The following PDCD11 variants were observed in gnomAD, a reference collection of about 807,000 sequenced individuals.
PDCD11 encodes the protein programmed cell death 11.
In PDCD11, 97 loss-of-function variants were observed where a neutral mutation model predicts 198.9. The observed-to-expected ratio is 0.49, with a 90% CI of 0.41 to 0.58. The LOEUF (loss-of-function observed/expected upper bound fraction) is 0.58. Ranked by LOEUF, PDCD11 falls within the 20% of genes least tolerant of loss-of-function variation. PDCD11 has a pLI of 0.00. For synonymous variants in PDCD11, 893 were observed against 918.0 expected, an observed-to-expected ratio of 0.97 and a Z score of 0.49; for missense variants, 2,102 against 2,312.7, an observed-to-expected ratio of 0.91 and a Z score of 1.87.
rs1250982617 is a variant in PDCD11 at position 103,414,068 on chromosome 10, C to A, written c.1288C>A (p.Leu430Met). 1.2e-6 allele frequency: 2 copies of A among 1,613,024 alleles called. No homozygotes were observed. The highest frequency in any genetic ancestry group is 4.5e-5 in the East Asian group (2 of 44,870). The stretch of plus-strand genomic sequence containing the variant: ...TATTGACTACAGCCAAATGGATGAA[C>A]TGGCCTTGCTCTCTCTACGAACGTA... ...RIIDYSQMDELALLSLRTSII... is the reference protein window; with the variant it reads ...RIIDYSQMDEMALLSLRTSII... Residue 430 changes from leucine (L) to methionine (M), a missense_variant, in exon 10 of 36, where the codon CTG (leucine) becomes ATG (methionine). Leu to Met is a conservative substitution (Grantham distance 15). Coordinates refer to ENST00000369797, the MANE Select transcript of PDCD11 (RefSeq NM_014976.2).
intron 4 of PDCD11, 87 bp from the exon 5 acceptor site, chr10:103,404,935 T>G: frequency 7.8e-6 from 10 of 1,277,434 alleles, no homozygotes; most frequent in Non-Finnish European, 1.1e-5. Flanking sequence ...GGTCTGAGGA[T>G]GAGAAGTCAC....
chr10:103,421,823 C>T (rs1301693432), intron 17 of PDCD11, among the ~76,000 whole-genome samples: 5 of 150,752 alleles, frequency 3.3e-5, no homozygotes, highest in East Asian at 2.0e-4. Flanking sequence ...AAAAATTAGC[C>T]GGGCGCGGTG....
intron 12 of PDCD11, 122 bp downstream of exon 12, chr10:103,415,273 A>C: frequency 6.2e-6 from 6 of 960,306 alleles, no homozygotes; most frequent in Non-Finnish European, 9.5e-6. Context: ...CTTGTGCTGT[A>C]CCTGGCATTG....
At chr10:103,414,935 G>T (rs564248878) in intron 11 of PDCD11, 70 bp from the exon 12 acceptor site, 1 of 1,559,620 alleles carries the variant, frequency 6.4e-7, no homozygotes, top group South Asian at 1.1e-5. Flanking sequence ...GGTATGACAT[G>T]CCTTGTTGTA....
At chr10:103,401,602 T>G (rs1479658765) in intron 3 of PDCD11, among the ~76,000 whole-genome samples, 1 of 152,054 alleles carries the variant, frequency 6.6e-6, no homozygotes, top group Non-Finnish European at 1.5e-5. Flanking sequence ...CACCAATATG[T>G]GTTAGTTATA....
Position 103,441,859 on chromosome 10 carries a change from C to T in PDCD11, c.4591C>T (p.Leu1531=). The T allele has an allele frequency of 6.2e-7, 1 of 1,614,172 alleles. No individual in the cohort carries two copies. The highest frequency in any genetic ancestry group is 8.5e-7 in the Non-Finnish European group (1 of 1,180,014). Residue 1531 remains leucine (L), a synonymous_variant, in exon 31 of 36, where the codon CTG becomes TTG. Transcript: ENST00000369797. ...AACCAAGCCAGCAGAAGCGCCCCGG[C>T]TGCAGCTGTCTTCAGGCTTCGCTTG... ...KQTKPAEAPR[L]QLSSGFAWNV... is the part of the protein sequence containing the mutation.
intron 5 of PDCD11, among the ~76,000 whole-genome samples, chr10:103,405,744 A>G (rs2030405748): frequency 6.6e-6 from 1 of 152,118 alleles, no homozygotes; most frequent in East Asian, 1.9e-4. Flanking sequence ...ACTCTTCTAT[A>G]TTGTTCCATC....
In PDCD11 at chr10:103,445,565, G is replaced by A. The variant is rs1447642153; in HGVS notation, c.*16G>A. ...AGAGGACTAGTGGCAGGCTGGCTCTGTGGGACACTGTCAACAATGGGCCAG... is the reference window on the plus strand; with the variant it reads ...AGAGGACTAGTGGCAGGCTGGCTCTATGGGACACTGTCAACAATGGGCCAG... On this transcript the variant is annotated 3_prime_UTR_variant, in exon 36 of 36. Transcript: ENST00000369797. The A allele has an allele frequency of 3.1e-6, 5 of 1,610,554 alleles. No homozygotes were observed. The highest frequency in any genetic ancestry group is 2.1e-4 in the Middle Eastern group (1 of 4,862).
chr10:103,444,056 C>A lies in PDCD11; in HGVS notation c.5266C>A (p.Pro1756Thr). The A allele has an allele frequency of 6.2e-7, 1 of 1,611,802 alleles. No homozygotes were observed. Among genetic ancestry groups the A allele is most frequent in the Non-Finnish European group, 8.5e-7 (1 of 1,179,862 alleles). The change falls in exon 34 of 36, where the codon CCT (proline) becomes ACT (threonine). Residue 1756 changes from proline to threonine, a missense_variant. Pro to Thr is a conservative substitution (Grantham distance 38, BLOSUM62 -1). Coordinates refer to ENST00000369797, the MANE Select transcript of PDCD11 (RefSeq NM_014976.2). Reference protein sequence around the residue: ...RVLQRALECLPSKEHVDVIAK... With the variant: ...RVLQRALECLTSKEHVDVIAK... ...GCTGCAGCGAGCCCTGGAGTGCCTG[C>A]CTAGCAAGGAGCGTGAGTGCTCATT...
Position 103,415,115 on chromosome 10 carries a change from G to A in PDCD11, c.1482G>A (p.Glu494=). Residue 494 remains glutamate (E), a synonymous_variant, in exon 12 of 36, where the codon GAG becomes GAA. Coordinates refer to ENST00000369797, the MANE Select transcript of PDCD11 (RefSeq NM_014976.2). ...HLADILMKNP[E]KKYHIGDEVK... ...CTGACATCCTGATGAAGAATCCGGA[G>A]AAGAAGTACCACATCGGGGATGAGG... 1 of 1,614,134 alleles carries A rather than the reference G, an allele frequency of 6.2e-7. No individual in the cohort carries two copies. The highest frequency in any genetic ancestry group is 1.3e-5 in the African/African-American group (1 of 75,038).
intron 34 of PDCD11, 31 bp from the exon 35 acceptor site, chr10:103,444,486 G>T (rs754400813): frequency 6.2e-7 from 1 of 1,608,890 alleles, no homozygotes; most frequent in Non-Finnish European, 8.5e-7. Context: ...CTGTCTGCTT[G>T]TTGGGTCTCT....
At chr10:103,414,559 A>G (rs548443283) in intron 11 of PDCD11, among the ~76,000 whole-genome samples, 1 of 152,324 alleles carries the variant, frequency 6.6e-6, no homozygotes, top group South Asian at 2.1e-4. Context: ...TAGATCATAA[A>G]TCCTGAGATT....
chr10:103,443,353 A>T lies in PDCD11; in HGVS notation c.5124+20A>T. On this transcript the variant is annotated intron_variant, in intron 33 of 35. Coordinates refer to ENST00000369797, the MANE Select transcript of PDCD11 (RefSeq NM_014976.2). ...TTCCAGGTAGGAGGTTGGGCCACAG[A>T]CGAACTCCTGGGAGTTCCAGGGCCA... 1 of 1,587,172 alleles carries T rather than the reference A, an allele frequency of 6.3e-7. No individual in the cohort carries two copies. The highest frequency in any genetic ancestry group is 8.6e-7 in the Non-Finnish European group (1 of 1,160,880).
rs2032495571 is a variant in PDCD11, at chr10:103,443,965, A to AGCT, written c.5177_5179dup (p.Ala1726dup). 1.2e-6 allele frequency: 2 copies of AGCT among 1,614,144 alleles called. No individual in the cohort carries two copies. Among genetic ancestry groups the AGCT allele is most frequent in the Non-Finnish European group, 1.7e-6 (2 of 1,180,028 alleles). On this transcript the variant is annotated inframe_insertion, in exon 34 of 36. Coordinates refer to ENST00000369797, the MANE Select transcript of PDCD11 (RefSeq NM_014976.2). ...TGCTGAAGCGTTTCCGGCAGGAGAA[A>AGCT]GCTGTGTGGATCAAATACGGCGCCT...
chr10:103,400,812 TG>T (rs1300490420), intron 3 of PDCD11, among the ~76,000 whole-genome samples: 1 of 152,164 alleles, frequency 6.6e-6, no homozygotes, highest in Non-Finnish European at 1.5e-5. Context: ...AATGCAGGCA[TG>T]ATCATAGCTC....
In PDCD11 at chr10:103,421,492, G is replaced by A. The variant is rs769990568; in HGVS notation, c.2422G>A (p.Ala808Thr). Residue 808 changes from alanine (A) to threonine (T), a missense_variant, in exon 17 of 36, where the codon GCT becomes ACT. Coordinates refer to ENST00000369797, the MANE Select transcript of PDCD11 (RefSeq NM_014976.2). ...GTCGGACTGTGGTCTGGGGGACTTG[G>A]CTATCACCAGCCTCCTCCTCCTGAA... ...RLSDCGLGDLAITSLLLLNQC... is the reference protein window; with the variant it reads ...RLSDCGLGDLTITSLLLLNQC... The A allele has an allele frequency of 1.3e-6, 2 of 1,594,536 alleles. No homozygotes were observed. Among genetic ancestry groups the A allele is most frequent in the Non-Finnish European group, 1.7e-6 (2 of 1,170,286 alleles).
chr10:103,442,416 G>T lies in PDCD11; in HGVS notation c.4911G>T (p.Lys1637Asn), dbSNP rs752225044. ...AFHLQATEIEKARAVAERALK... is the reference protein window; with the variant it reads ...AFHLQATEIENARAVAERALK... ...ACCTGCAGGCCACGGAGATCGAGAA[G>T]GCCCGTGCCGTGGCTGAGAGGGCCC... Residue 1637 changes from lysine (K) to asparagine (N), a missense_variant, in exon 32 of 36, where the codon AAG becomes AAT. Lys to Asn is a moderately conservative substitution (Grantham distance 94, BLOSUM62 0). Transcript: ENST00000369797. 1 of 1,614,184 alleles carries T rather than the reference G, an allele frequency of 6.2e-7. No individual in the cohort carries two copies. Among genetic ancestry groups the T allele is most frequent in the Admixed American group, 1.7e-5 (1 of 60,020 alleles).
At chr10:103,417,748 G>A (rs376901515) in intron 13 of PDCD11, 44 bp from the exon 14 acceptor site, 26 of 1,602,872 alleles carry the variant, frequency 1.6e-5, no homozygotes, top group Admixed American at 3.5e-5. Flanking sequence ...GGCCTGCAAG[G>A]CTTGCTGGGA....
intron 2 of PDCD11, 134 bp from the exon 3 acceptor site, chr10:103,400,263 A>T: frequency 3.2e-6 from 1 of 317,354 alleles, no homozygotes; most frequent in Non-Finnish European, 5.4e-6. Context: ...TAAAGGAACA[A>T]TTGGGAGTGG....
Sources: allele counts gnomAD v4.1 joint callset (sites outside exome capture counted in the v4.1 genomes callset), GRCh38; gene constraint gnomAD v4.1.1; transcripts MANE v1.5; gene names NCBI Gene and HGNC (gene_info 2026-07-23, HGNC 2026-07-21).